Variants in PI4K2A observed in about 807,000 individuals in gnomAD.
The protein encoded by PI4K2A is phosphatidylinositol 4-kinase type 2-alpha.
In PI4K2A, 20 loss-of-function variants were observed where a neutral mutation model predicts 55.0. The observed-to-expected ratio is 0.36, with a 90% confidence interval of 0.26 to 0.53. The LOEUF is 0.53. Ranked by LOEUF, PI4K2A falls within the 20% of genes least tolerant of loss-of-function variation. The pLI is 0.91. For missense variants in PI4K2A, 463 were observed against 637.1 expected (o/e 0.73, Z 2.94); for synonymous variants, 235 against 258.5 (o/e 0.91, Z 0.87).
chr10:97,645,340 G>T (rs1031146285), intron 1 of PI4K2A, among the ~76,000 whole-genome samples: 2 of 152,104 alleles, frequency 1.3e-5, no homozygotes, highest in Non-Finnish European at 2.9e-5. Flanking sequence ...GGGGCGCAGT[G>T]GTTCACGCCT....
intron 2 of PI4K2A, among the ~76,000 whole-genome samples, chr10:97,655,897 T>C (rs959806543): frequency 6.6e-6 from 1 of 152,110 alleles, no homozygotes; most frequent in Non-Finnish European, 1.5e-5. Context: ...CTTGATTACA[T>C]CTCAGACTCA....
At chr10:97,648,900 C>T (rs904748636) in intron 1 of PI4K2A, among the ~76,000 whole-genome samples, 9 of 152,142 alleles carry the variant, frequency 5.9e-5, no homozygotes, top group African/African-American at 1.9e-4. Flanking sequence ...TTTGCATTTG[C>T]CAGTAAATAA....
intron 5 of PI4K2A, among the ~76,000 whole-genome samples, chr10:97,663,752 T>C (rs1341623526): frequency 6.7e-6 from 1 of 148,656 alleles, no homozygotes; most frequent in Non-Finnish European, 1.5e-5. Flanking sequence ...CCTGGGAGGC[T>C]GAGGTTGCAG....
chr10:97,671,672 C>T (rs528644013), intron 8 of PI4K2A, among the ~76,000 whole-genome samples: 50 of 152,206 alleles, frequency 3.3e-4, no homozygotes, highest in African/African-American at 1.2e-3. Flanking sequence ...TGGAGTCTTG[C>T]TCATTTGCTT....
intron 1 of PI4K2A, 39 bp from the exon 2 acceptor site, chr10:97,650,902 A>G (rs192834192): frequency 3.0e-5 from 45 of 1,520,686 alleles, no homozygotes; most frequent in African/African-American, 1.8e-4. Flanking sequence ...ATTTTGGTCA[A>G]CTCGGATTTA....
rs1564772351 is a variant in PI4K2A, at chr10:97,642,875, T to TCC, written c.435+1698_435+1699insCC. 1.5e-3 allele frequency among the ~76,000 whole-genome samples: 189 copies of TCC among 123,474 alleles called. 6 individuals are homozygous for TCC. The highest frequency in any genetic ancestry group is 4.1e-3 in the South Asian group (16 of 3,890). The allele number at this position is 123,474 out of a possible 152,430, so 81.0% of individuals were successfully genotyped here. A position where few individuals can be genotyped will look rare whatever the true frequency, so the allele number is the denominator to read the frequency against. On this transcript the variant is annotated intron_variant, in intron 1 of 8. Coordinates refer to ENST00000370631, the Ensembl canonical transcript of PI4K2A. ...CCTTTCTTTCTTTCTTTTTCTTTCTTTCTTTCTTTCTTCCTTCCTTCCTTC... is the reference window on the plus strand; with the variant it reads ...CCTTTCTTTCTTTCTTTTTCTTTCTTCCTCTTTCTTTCTTCCTTCCTTCCTTC...
chr10:97,641,267 G>T (rs2041467137), intron 1 of PI4K2A, 90 bp downstream of exon 1: 1 of 956,096 alleles, frequency 1.0e-6, no homozygotes. Context: ...GAGGGAAAAG[G>T]GAGAAACTTC....
intron 4 of PI4K2A, among the ~76,000 whole-genome samples, chr10:97,658,862 C>T (rs1394282144): frequency 6.6e-6 from 1 of 152,134 alleles, no homozygotes; most frequent in Non-Finnish European, 1.5e-5. Context: ...GCTGATTGGC[C>T]AATCATATAT....
At chr10:97,663,313 A>G (rs889489791) in intron 5 of PI4K2A, among the ~76,000 whole-genome samples, 4 of 152,184 alleles carry the variant, frequency 2.6e-5, no homozygotes, top group Admixed American at 6.5e-5. Context: ...CTTTTAAACC[A>G]TGAACCACTT....
chr10:97,640,740 G>A, exon 1 of PI4K2A: 1 of 1,496,314 alleles, frequency 6.7e-7, no homozygotes, highest in South Asian at 1.3e-5. Flanking sequence ...GGCTGTCTGA[G>A]GGATGGACGA....
At chr10:97,641,106 G>A (rs757886372) in exon 1 of PI4K2A, 1 of 1,609,234 alleles carries the variant, frequency 6.2e-7, no homozygotes, top group East Asian at 2.2e-5. Context: ...GCTGGCCATC[G>A]AGCGCTGCAT....
chr10:97,671,605 C>G (rs1244244294), intron 8 of PI4K2A, among the ~76,000 whole-genome samples: 3 of 152,056 alleles, frequency 2.0e-5, no homozygotes, highest in Non-Finnish European at 2.9e-5. Flanking sequence ...GAAGGAGAAT[C>G]CAAATAAAAT....
chr10:97,657,305 A>C (rs2041559624), intron 4 of PI4K2A, among the ~76,000 whole-genome samples: 1 of 152,196 alleles, frequency 6.6e-6, no homozygotes, highest in Admixed American at 6.5e-5. Flanking sequence ...GATATTTAAA[A>C]AAAATTTTTT....
chr10:97,653,090 G>A (rs1308189409), intron 2 of PI4K2A, among the ~76,000 whole-genome samples: 1 of 152,140 alleles, frequency 6.6e-6, no homozygotes, highest in Non-Finnish European at 1.5e-5. Flanking sequence ...ATGTTCTTAA[G>A]TCTCCTAACC....
intron 6 of PI4K2A, among the ~76,000 whole-genome samples, chr10:97,665,656 G>A (rs1234069732): frequency 4.6e-5 from 7 of 151,196 alleles, no homozygotes; most frequent in African/African-American, 1.7e-4. Flanking sequence ...GCAGTGGCGC[G>A]ATCTCGGCTC....
chr10:97,658,121 C>G (rs555081664), intron 4 of PI4K2A, among the ~76,000 whole-genome samples: 10 of 152,280 alleles, frequency 6.6e-5, no homozygotes, highest in Admixed American at 2.0e-4. Context: ...TGTGAGCCAC[C>G]ATGCCTGGCC....
rs11399402 is a variant in PI4K2A, at chr10:97,642,823, C to CTTTCTTTCTTTCT, written c.435+1648_435+1649insTCTTTCTTTCTTT. On this transcript the variant is annotated intron_variant, in intron 1 of 8. Transcript: ENST00000370631. Reference sequence around the variant, plus strand: ...TTTCTCTTTCTTCCTTCCTTCCTTCCTTCCTTCCTTCCTTCCTTCCTTCCT... The same window carrying CTTTCTTTCTTTCT: ...TTTCTCTTTCTTCCTTCCTTCCTTCCTTTCTTTCTTTCTTTCCTTCCTTCCTTCCTTCCTTCCT... 3.6e-4 allele frequency among the ~76,000 whole-genome samples: 6 copies of CTTTCTTTCTTTCT among 16,634 alleles called. 1 individual carries two copies. The highest frequency in any genetic ancestry group is 1.6e-3 in the Admixed American group (2 of 1,258). The allele number at this position is 16,634 out of a possible 152,430, so 10.9% of individuals were successfully genotyped here.
At chr10:97,646,274 G>T (rs1222823809) in intron 1 of PI4K2A, among the ~76,000 whole-genome samples, 1 of 151,238 alleles carries the variant, frequency 6.6e-6, no homozygotes, top group African/African-American at 2.4e-5. Context: ...GCTAGATCAG[G>T]CATGATCTCG....
At position 97,667,030 on chromosome 10, in the gene PI4K2A, G is replaced by C. The variant is rs745881267; in HGVS notation, c.1219-31G>C. ...TGGGTTCCTGTGAGGCATTCACACA[G>C]GTTCCATCTCCTTCTGGTCTTCTTT... is the stretch of plus-strand genomic sequence containing the variant. On this transcript the variant is annotated intron_variant, in intron 7 of 8. Coordinates refer to ENST00000370631, the Ensembl canonical transcript of PI4K2A. 5.7e-6 allele frequency: 9 copies of C among 1,589,650 alleles called. No homozygotes were observed. In the Admixed American group the frequency reaches 1.5e-4, roughly 27 times the overall value.
Sources: gnomAD v4.1 joint callset for allele counts (sites outside exome capture counted in the v4.1 genomes callset) on GRCh38, gnomAD v4.1.1 for gene constraint, MANE v1.5 for transcripts, NCBI Gene and HGNC (gene_info 2026-07-23, HGNC 2026-07-21) for gene names.